TENM1: variants seen among roughly 807,000 people sequenced by gnomAD.
The protein encoded by TENM1 is teneurin-1.
TENM1 carries 35 observed loss-of-function variants against 174.8 expected under a neutral mutation model. That is an observed-to-expected ratio of 0.20 (90% CI 0.15 to 0.27). TENM1 has a LOEUF of 0.27. Among genes scored for constraint, TENM1 ranks in the 10% least tolerant of loss-of-function variants. TENM1 has a pLI of 1.00. For missense variants in TENM1, 1,633 were observed against 2,130.1 expected, an observed-to-expected ratio of 0.77 and a Z score of 4.59; for synonymous variants, 781 against 798.7, an observed-to-expected ratio of 0.98 and a Z score of 0.37.
At position 124,753,805 on chromosome X, in the gene TENM1, C is replaced by A. The variant is rs779649433; in HGVS notation, c.536-16608G>T. On this transcript the variant is annotated intron_variant, in intron 3 of 31. Coordinates refer to ENST00000422452, the Ensembl canonical transcript of TENM1. Reference sequence around the variant, plus strand: ...CTGGATTACATTTATTGATTTGCGTCTATCGAACCAGCCTTGCATCCCAGG... The same window carrying A: ...CTGGATTACATTTATTGATTTGCGTATATCGAACCAGCCTTGCATCCCAGG... 4.3e-3 allele frequency among the ~76,000 whole-genome samples: 475 copies of A among 111,673 alleles called. 4 individuals carry two copies. Among genetic ancestry groups the A allele is most frequent in the African/African-American group, 0.012 (383 of 30,711 alleles).
At chrX:124,772,425 G>A (rs994953566) in intron 3 of TENM1, among the ~76,000 whole-genome samples, 1 of 111,945 alleles carries the variant, frequency 8.9e-6, no homozygotes, top group Non-Finnish European at 1.9e-5. Flanking sequence ...GTGAGCCACC[G>A]TTCCCTGTCC....
chrX:125,048,395 G>C, the TENM1 span, among the ~76,000 whole-genome samples: 1 of 109,888 alleles, frequency 9.1e-6, no homozygotes, highest in South Asian at 3.9e-4. Flanking sequence ...CCAAGTAGCT[G>C]TAACTACAGG....
chrX:124,420,150 G>A (rs184031612), intron 25 of TENM1, among the ~76,000 whole-genome samples, 161 bp downstream of exon 28: 47 of 111,801 alleles, frequency 4.2e-4, no homozygotes, highest in Non-Finnish European at 3.8e-5. Context: ...CTGAACTCTA[G>A]GAATTAGGTA....
intron 5 of TENM1, among the ~76,000 whole-genome samples, chrX:124,700,505 C>T (rs2052751476): frequency 9.0e-6 from 1 of 111,471 alleles, no homozygotes; most frequent in African/African-American, 3.3e-5. Flanking sequence ...AAAGACAATC[C>T]TTGAAGAAAG....
chrX:124,445,126 A>G (rs1465750837), intron 23 of TENM1, among the ~76,000 whole-genome samples: 1 of 112,025 alleles, frequency 8.9e-6, no homozygotes, highest in African/African-American at 3.2e-5. Flanking sequence ...AAACGTACCC[A>G]GTATTGTGCT....
the TENM1 span, among the ~76,000 whole-genome samples, chrX:125,194,289 T>G: frequency 9.0e-6 from 1 of 111,352 alleles, no homozygotes; most frequent in Non-Finnish European, 1.9e-5. Context: ...CACCCTAAAT[T>G]AAATCAATTT....
At chrX:124,806,775 C>T (rs907679597) in intron 3 of TENM1, among the ~76,000 whole-genome samples, 5 of 111,276 alleles carry the variant, frequency 4.5e-5, no homozygotes, top group Non-Finnish European at 9.4e-5. Flanking sequence ...TAGTGAGGGC[C>T]TCAGAAAGTT....
At chrX:125,160,544 C>CAAAAAAAA in the TENM1 span, among the ~76,000 whole-genome samples, 7 of 28,993 alleles carry the variant, frequency 2.4e-4, 1 homozygote, top group African/African-American at 3.7e-4. Context: ...GACCCCGTCT[C>CAAAAAAAA]AAAAAAAAAA....
chrX:124,788,959 C>G (rs1406354180), intron 3 of TENM1, among the ~76,000 whole-genome samples: 2 of 112,465 alleles, frequency 1.8e-5, no homozygotes, highest in Admixed American at 1.9e-4. Context: ...CCCTTCCACA[C>G]TGCCCTAGCA....
At chrX:124,962,838 A>G (rs1162392035) in intron 1 of TENM1, among the ~76,000 whole-genome samples, 2 of 111,461 alleles carry the variant, frequency 1.8e-5, no homozygotes, top group Non-Finnish European at 3.8e-5. Flanking sequence ...AAAACAAAAC[A>G]AAACAAAACA....
chrX:124,753,790 T>C (rs2054148611), intron 3 of TENM1, among the ~76,000 whole-genome samples: 1 of 112,083 alleles, frequency 8.9e-6, no homozygotes, highest in South Asian at 3.8e-4. Flanking sequence ...CTGGATTACA[T>C]TTATTGATTT....
At position 124,551,341 on chromosome X, in the gene TENM1, C is replaced by T. The variant is rs1274260751; in HGVS notation, c.2435-4251G>A. 2.7e-5 allele frequency among the ~76,000 whole-genome samples: 3 copies of T among 111,002 alleles called. No homozygotes were observed. In the Admixed American group the frequency reaches 2.9e-4, roughly 11 times the overall value. ...AGTCAAACATATAGAAGTAGACAAC[C>T]GCATGGTGGTTACTTGGGGATTGGT... On this transcript the variant is annotated intron_variant, in intron 14 of 31. Transcript: ENST00000422452.
chrX:124,625,537 C>G (rs1743569177), intron 11 of TENM1, among the ~76,000 whole-genome samples: 1 of 111,416 alleles, frequency 9.0e-6, no homozygotes, highest in African/African-American at 3.3e-5. Flanking sequence ...CATTCTCACA[C>G]TGCTATACTT....
the TENM1 span, among the ~76,000 whole-genome samples, chrX:125,109,876 T>G: frequency 1.8e-5 from 2 of 111,619 alleles, no homozygotes; most frequent in African/African-American, 6.5e-5. Context: ...AATACTAGCC[T>G]AAGTTTAAAC....
Position 124,385,775 on chromosome X carries a change from G to C in TENM1, c.5978C>G (p.Thr1993Ser). Residue 1993 changes from threonine (T) to serine (S), a missense_variant, in exon 29 of 32, where the codon ACT (threonine) becomes AGT (serine). Coordinates refer to ENST00000422452, the Ensembl canonical transcript of TENM1. ...CTCTTCATATGTTAATGTGACCTGA[G>C]TGGTATCATAGAGAACCTCAGAAAG... is the stretch of plus-strand genomic sequence containing the variant. The C allele has an allele frequency of 2.5e-6, 3 of 1,211,273 alleles. No homozygotes were observed. The highest frequency in any genetic ancestry group is 4.6e-4 in the Middle Eastern group (2 of 4,348).
At chrX:124,531,774 G>A (rs1244049230) in intron 15 of TENM1, among the ~76,000 whole-genome samples, 1 of 112,393 alleles carries the variant, frequency 8.9e-6, no homozygotes, top group Non-Finnish European at 1.9e-5. Context: ...TAATAGAGAA[G>A]ACATTTGAAG....
intron 5 of TENM1, among the ~76,000 whole-genome samples, chrX:124,674,428 G>A (rs2052011934): frequency 9.2e-6 from 1 of 109,055 alleles, no homozygotes; most frequent in African/African-American, 3.3e-5. Context: ...TAGTATTTGA[G>A]TTAGTGACCG....
intron 3 of TENM1, among the ~76,000 whole-genome samples, chrX:124,851,631 A>G (rs374875196): frequency 2.3e-4 from 26 of 110,679 alleles, no homozygotes; most frequent in African/African-American, 8.5e-4. Context: ...TTCTTGACTT[A>G]TCCAAAAACC....
intron 11 of TENM1, among the ~76,000 whole-genome samples, chrX:124,571,034 G>A (rs1004105364): frequency 2.7e-4 from 30 of 111,621 alleles, no homozygotes; most frequent in African/African-American, 9.7e-4. Context: ...TCAAAGCTAT[G>A]ACTATACAAT....
Sources: gnomAD v4.1 joint callset for allele counts (sites outside exome capture counted in the v4.1 genomes callset) on GRCh38, gnomAD v4.1.1 for gene constraint, MANE v1.5 for transcripts, NCBI Gene and HGNC (gene_info 2026-07-23, HGNC 2026-07-21) for gene names.